The following SGCD variants were observed in gnomAD, a reference collection of about 807,000 sequenced individuals.
The protein encoded by SGCD is sarcoglycan delta.
In SGCD, 18 loss-of-function variants were observed where a neutral mutation model predicts 36.6. The observed-to-expected ratio is 0.49, with a 90% CI of 0.34 to 0.73. SGCD has a LOEUF of 0.73. Among genes scored for constraint, SGCD ranks in the 30% least tolerant of loss-of-function variants. The pLI is 0.01. For missense variants in SGCD, 387 were observed against 346.7 expected (o/e 1.12, Z -0.92); for synonymous variants, 133 against 130.6 (o/e 1.02, Z -0.12).
chr5:155,775,797 A>AAGTCTGTTCCCTCAGGGAGCTT, the SGCD span, among the ~76,000 whole-genome samples: 1 of 152,154 alleles, frequency 6.6e-6, no homozygotes, highest in African/African-American at 2.4e-5. Context: ...ACAGGGAGAG[A>AAGTCTGTTCCCTCAGGGAGCTT]AGTCTGTTCC....
chr5:156,083,453 C>T (rs1361332363), intron 1 of SGCD, among the ~76,000 whole-genome samples: 8 of 151,918 alleles, frequency 5.3e-5, no homozygotes, highest in Admixed American at 5.3e-4. Context: ...CGCCACCATG[C>T]CTGGCTAATT....
intron 3 of SGCD, among the ~76,000 whole-genome samples, chr5:156,140,791 G>T (rs1044572758): frequency 5.3e-4 from 80 of 152,278 alleles, no homozygotes; most frequent in African/African-American, 1.9e-3. Flanking sequence ...GGTGTGCCTG[G>T]CCAAGTGACC....
At chr5:156,256,773 A>T (rs1765726212) in intron 3 of SGCD, among the ~76,000 whole-genome samples, 2 of 152,228 alleles carry the variant, frequency 1.3e-5, no homozygotes, top group South Asian at 4.1e-4. Flanking sequence ...GGGAATCTTA[A>T]CAATATTGCA....
intron 1 of SGCD, among the ~76,000 whole-genome samples, chr5:155,935,416 C>T (rs1284024080): frequency 2.0e-5 from 3 of 152,224 alleles, no homozygotes; most frequent in Non-Finnish European, 2.9e-5. Context: ...CATGGAACTT[C>T]ATTGTTGTGG....
intron 4 of SGCD, among the ~76,000 whole-genome samples, chr5:156,544,551 G>A (rs985174368): frequency 2.6e-5 from 4 of 151,830 alleles, no homozygotes; most frequent in African/African-American, 9.7e-5. Flanking sequence ...AAAAGTAGAA[G>A]TCAGGGTGGT....
At chr5:156,365,546 A>G (rs560318118) in intron 3 of SGCD, among the ~76,000 whole-genome samples, 3 of 152,280 alleles carry the variant, frequency 2.0e-5, no homozygotes, top group Admixed American at 6.5e-5. Flanking sequence ...TTCTTTCTGC[A>G]TGGATGTTGT....
At chr5:156,631,275 A>G (rs1376377414) in intron 6 of SGCD, among the ~76,000 whole-genome samples, 1 of 152,164 alleles carries the variant, frequency 6.6e-6, no homozygotes, top group African/African-American at 2.4e-5. Flanking sequence ...ATGTGGATTT[A>G]CAGCCTGGGA....
chr5:156,751,029 G>A (rs1301067995), intron 7 of SGCD, among the ~76,000 whole-genome samples: 1 of 152,166 alleles, frequency 6.6e-6, no homozygotes, highest in African/African-American at 2.4e-5. Context: ...ATTCCAAAAT[G>A]TATGTGGAAG....
chr5:156,682,790 G>A (rs1030732769), intron 7 of SGCD, among the ~76,000 whole-genome samples: 13 of 64,154 alleles, frequency 2.0e-4, no homozygotes, highest in African/African-American at 5.2e-4. Flanking sequence ...TTACATTTGA[G>A]AACACTTAAT....
At chr5:155,999,199 C>T (rs1490040777) in intron 1 of SGCD, among the ~76,000 whole-genome samples, 2 of 152,182 alleles carry the variant, frequency 1.3e-5, no homozygotes, top group Non-Finnish European at 2.9e-5. Context: ...CCAGGGTTTT[C>T]AGTAGATATT....
At chr5:155,911,319 G>GTGTGTGTGTGTA (rs145927722) in intron 1 of SGCD, among the ~76,000 whole-genome samples, 28 of 141,380 alleles carry the variant, frequency 2.0e-4, no homozygotes, top group East Asian at 1.1e-3. Flanking sequence ...GTGTGTGTGT[G>GTGTGTGTGTGTA]TATATATATA....
intron 1 of SGCD, among the ~76,000 whole-genome samples, chr5:155,877,321 G>A (rs1201884222): frequency 6.6e-6 from 1 of 152,134 alleles, no homozygotes; most frequent in Non-Finnish European, 1.5e-5. Flanking sequence ...AGTTACTCAT[G>A]GCCAACTTAA....
rs539544343 is a variant in SGCD at position 156,284,929 on chromosome 5, G to A, written c.-43-44605G>A. Among the ~76,000 whole-genome samples the A allele has an allele frequency of 1.1e-3, 164 of 152,224 alleles. 2 individuals are homozygous for A. The highest frequency in any genetic ancestry group is 3.5e-3 in the African/African-American group (144 of 41,536). On this transcript the variant is annotated intron_variant, in intron 3 of 9. Coordinates refer to the SGCD transcript ENST00000517913. ...GATTGTGTATCTAGAAAACCCCATC[G>A]TCTCAGCCCAAAATCTCTTTAAGCT...
At chr5:155,964,976 C>A (rs1297881287) in intron 1 of SGCD, among the ~76,000 whole-genome samples, 1 of 152,032 alleles carries the variant, frequency 6.6e-6, no homozygotes, top group South Asian at 2.1e-4. Context: ...GGGCATTGTA[C>A]CACCCTTTCT....
In SGCD at chr5:156,203,065, TC is replaced by T. The variant is rs1177210139; in HGVS notation, c.-44+79047del. The stretch of plus-strand genomic sequence containing the variant: ...ATGCATCATATCCCAAAGATTTTAA[TC>T]ATAAAACTTTTTAAATTAAGAATAT... On this transcript the variant is annotated intron_variant, in intron 3 of 9. Transcript: ENST00000517913. Among the ~76,000 whole-genome samples the T allele has an allele frequency of 1.1e-4, 16 of 152,278 alleles. No homozygotes were observed. The South Asian group carries it at 3.1e-3, about 30-fold the overall frequency.
At chr5:156,481,943 G>A (rs767655699) in intron 3 of SGCD, among the ~76,000 whole-genome samples, 1 of 152,164 alleles carries the variant, frequency 6.6e-6, no homozygotes, top group Admixed American at 6.5e-5. Flanking sequence ...GCCACGTTCA[G>A]GGACAACTGT....
At chr5:155,982,846 A>G (rs1758257097) in intron 1 of SGCD, among the ~76,000 whole-genome samples, 1 of 152,166 alleles carries the variant, frequency 6.6e-6, no homozygotes, top group African/African-American at 2.4e-5. Context: ...CCAGCATTTG[A>G]GATTGAGCTC....
intron 6 of SGCD, among the ~76,000 whole-genome samples, chr5:156,606,822 G>C (rs1268715237): frequency 2.0e-5 from 3 of 152,202 alleles, no homozygotes; most frequent in African/African-American, 7.2e-5. Flanking sequence ...GTGATTGGAA[G>C]TTCACTCATG....
intron 7 of SGCD, among the ~76,000 whole-genome samples, chr5:156,735,807 G>A (rs1756328244): frequency 6.6e-6 from 1 of 152,192 alleles, no homozygotes. Context: ...TGCTTTGCCA[G>A]AGTTGCAGCT....
Sources: gnomAD v4.1 joint callset for allele counts (sites outside exome capture counted in the v4.1 genomes callset) on GRCh38, gnomAD v4.1.1 for gene constraint, MANE v1.5 for transcripts, NCBI Gene and HGNC (gene_info 2026-07-23, HGNC 2026-07-21) for gene names.